Variants in KCTD8 observed in about 807,000 individuals in gnomAD.
KCTD8 encodes potassium channel tetramerization domain containing 8.
KCTD8 carries 27 observed loss-of-function variants against 31.5 expected under a neutral mutation model. That is an observed-to-expected ratio of 0.86 (90% confidence interval 0.63 to 1.18). KCTD8 has a LOEUF of 1.18. Among genes scored for constraint, KCTD8 ranks in the 50% most tolerant of loss-of-function variants. The pLI is 0.00. For missense variants in KCTD8, 658 were observed against 647.7 expected, an observed-to-expected ratio of 1.02 and a Z score of -0.17; for synonymous variants, 290 against 280.0, an observed-to-expected ratio of 1.04 and a Z score of -0.36.
At position 44,311,874 on chromosome 4, in the gene KCTD8, T is replaced by G. The variant is rs151222177; in HGVS notation, c.961+135689A>C. The stretch of plus-strand genomic sequence containing the variant: ...TCTGTGTCAGCATCCTAGATGACAC[T>G]TAAATGGACTGAACTAGTACAGAGC... On this transcript the variant is annotated intron_variant, in intron 1 of 1. Coordinates refer to ENST00000360029, the MANE Select transcript of KCTD8 (RefSeq NM_198353.3). Among the ~76,000 whole-genome samples, 82 of 150,608 alleles carry G rather than the reference T, an allele frequency of 5.4e-4. 1 individual carries two copies. Among genetic ancestry groups the G allele is most frequent in the Middle Eastern group, 3.4e-3 (1 of 294 alleles).
intron 1 of KCTD8, among the ~76,000 whole-genome samples, chr4:44,411,514 T>C (rs898624709): frequency 6.6e-6 from 1 of 151,848 alleles, no homozygotes; most frequent in South Asian, 2.1e-4. Context: ...TTTATAAAAA[T>C]GAATGTATGT....
chr4:44,385,786 T>C (rs1352701458), intron 1 of KCTD8, among the ~76,000 whole-genome samples: 1 of 151,662 alleles, frequency 6.6e-6, no homozygotes, highest in Non-Finnish European at 1.5e-5. Context: ...ATGAGGGAAG[T>C]ATCTTCAAAT....
intron 1 of KCTD8, among the ~76,000 whole-genome samples, chr4:44,235,544 TATATATA>T (rs1715254894): frequency 3.1e-5 from 1 of 31,824 alleles, no homozygotes; most frequent in African/African-American, 2.4e-4. Flanking sequence ...TATATATATA[TATATATA>T]TATATATATA....
intron 1 of KCTD8, among the ~76,000 whole-genome samples, chr4:44,213,102 A>G (rs1004508686): frequency 1.1e-4 from 16 of 151,700 alleles, no homozygotes; most frequent in African/African-American, 3.1e-4. Context: ...CATGCCCGCT[A>G]ATTTTTTGTA....
chr4:44,394,795 CATTA>C (rs1385810280), intron 1 of KCTD8, among the ~76,000 whole-genome samples: 1 of 152,108 alleles, frequency 6.6e-6, no homozygotes, highest in African/African-American at 2.4e-5. Flanking sequence ...GAAATAGACA[CATTA>C]ATTGAGCATG....
intron 1 of KCTD8, among the ~76,000 whole-genome samples, chr4:44,218,124 C>CTTTTTTT (rs570521203): frequency 1.1e-5 from 1 of 91,512 alleles, no homozygotes; most frequent in African/African-American, 5.1e-5. Context: ...TTAAAATGTC[C>CTTTTTTT]TTTTTTTTTT....
At chr4:44,360,901 C>T (rs768924896) in intron 1 of KCTD8, among the ~76,000 whole-genome samples, 3 of 151,722 alleles carry the variant, frequency 2.0e-5, no homozygotes, top group Non-Finnish European at 4.4e-5. Context: ...ATTTGATTCC[C>T]AATATTTCAT....
intron 1 of KCTD8, among the ~76,000 whole-genome samples, chr4:44,427,382 T>C (rs1033960092): frequency 2.0e-5 from 3 of 151,130 alleles, no homozygotes; most frequent in African/African-American, 7.3e-5. Context: ...TCCTAGCAAG[T>C]TCTATAAAGA....
At chr4:44,369,391 C>A (rs2109435102) in intron 1 of KCTD8, among the ~76,000 whole-genome samples, 1 of 152,272 alleles carries the variant, frequency 6.6e-6, no homozygotes, top group East Asian at 1.9e-4. Flanking sequence ...AAGAAAAGAC[C>A]CATTCCAACC....
At chr4:44,421,157 A>G (rs1721200448) in intron 1 of KCTD8, among the ~76,000 whole-genome samples, 2 of 152,134 alleles carry the variant, frequency 1.3e-5, no homozygotes, top group African/African-American at 4.8e-5. Flanking sequence ...TCCCTATCAT[A>G]AAGCCATTTT....
chr4:44,319,567 C>T (rs7654980), intron 1 of KCTD8, among the ~76,000 whole-genome samples: 138,026 of 152,126 alleles, frequency 0.91, 62,817 homozygotes, highest in East Asian at 1. Context: ...ATCACTTCTA[C>T]GCCATGAGCC....
chr4:44,406,450 T>A (rs1329629554), intron 1 of KCTD8, among the ~76,000 whole-genome samples: 2 of 152,158 alleles, frequency 1.3e-5, no homozygotes, highest in Admixed American at 1.3e-4. Flanking sequence ...CTCATGGTAG[T>A]GAATAAGTCT....
At chr4:44,250,364 A>AC (rs1715792038) in intron 1 of KCTD8, among the ~76,000 whole-genome samples, 1 of 151,816 alleles carries the variant, frequency 6.6e-6, no homozygotes, top group Non-Finnish European at 1.5e-5. Context: ...TTTTAATACT[A>AC]ATTGCTTAGG....
chr4:44,409,983 G>T (rs535354362), intron 1 of KCTD8, among the ~76,000 whole-genome samples: 84 of 152,080 alleles, frequency 5.5e-4, no homozygotes, highest in Non-Finnish European at 1.0e-3. Flanking sequence ...TTGCTTCAGG[G>T]GTATCACTTT....
chr4:44,280,095 C>A (rs897779453), intron 1 of KCTD8, among the ~76,000 whole-genome samples: 1 of 151,848 alleles, frequency 6.6e-6, no homozygotes, highest in Non-Finnish European at 1.5e-5. Flanking sequence ...TTATATAATT[C>A]CTAATCTAGG....
intron 1 of KCTD8, among the ~76,000 whole-genome samples, chr4:44,329,175 T>TA (rs1216825789): frequency 3.3e-5 from 5 of 151,554 alleles, no homozygotes; most frequent in Non-Finnish European, 7.4e-5. Context: ...TTTTTTTTTT[T>TA]ACGATAAAAA....
At chr4:44,289,321 T>C (rs1717200466) in intron 1 of KCTD8, among the ~76,000 whole-genome samples, 1 of 151,864 alleles carries the variant, frequency 6.6e-6, no homozygotes, top group South Asian at 2.1e-4. Flanking sequence ...AACAAAAGTA[T>C]AAGAAATTTA....
intron 1 of KCTD8, among the ~76,000 whole-genome samples, chr4:44,316,040 T>A (rs1718098777): frequency 6.6e-6 from 1 of 152,158 alleles, no homozygotes; most frequent in Non-Finnish European, 1.5e-5. Flanking sequence ...ACTCTCCATC[T>A]AGCACTCCTT....
intron 1 of KCTD8, among the ~76,000 whole-genome samples, chr4:44,179,075 T>C (rs929144950): frequency 6.6e-6 from 1 of 152,062 alleles, no homozygotes; most frequent in African/African-American, 2.4e-5. Context: ...TGTAGAATGA[T>C]CCCTATAATT....
Sources: gnomAD v4.1 joint callset for allele counts (sites outside exome capture counted in the v4.1 genomes callset) on GRCh38, gnomAD v4.1.1 for gene constraint, MANE v1.5 for transcripts, NCBI Gene and HGNC (gene_info 2026-07-23, HGNC 2026-07-21) for gene names.